VPS13B: variants seen among roughly 807,000 people sequenced by gnomAD.
VPS13B encodes vacuolar protein sorting 13 homolog B.
Under a neutral mutation model 426.4 loss-of-function variants are expected in VPS13B, and 285 were observed. That is an observed-to-expected ratio of 0.67 (90% CI 0.61 to 0.74). VPS13B has a LOEUF of 0.74. Ranked by LOEUF, VPS13B falls within the 30% of genes least tolerant of loss-of-function variation. The pLI, the probability that VPS13B is intolerant of heterozygous loss-of-function variation, is 0.00. For missense variants in VPS13B, 4,537 were observed against 4,782.6 expected (o/e 0.95, Z 1.51); for synonymous variants, 1,676 against 1,676.4 (o/e 1.00, Z 0.01).
At chr8:99,721,546 G>A (rs1407445147) in intron 39 of VPS13B, among the ~76,000 whole-genome samples, 1 of 151,772 alleles carries the variant, frequency 6.6e-6, no homozygotes, top group East Asian at 1.9e-4. Flanking sequence ...AAGGTTTTGT[G>A]AAAGTGTGTT....
chr8:99,341,552 C>T, intron 19 of VPS13B: 1 of 158,908 alleles, frequency 6.3e-6, no homozygotes, highest in Non-Finnish European at 1.4e-5. Context: ...TGCCAGACAG[C>T]CTGCAGCACT....
intron 29 of VPS13B, among the ~76,000 whole-genome samples, chr8:99,513,094 G>C (rs999961370): frequency 1.3e-5 from 2 of 149,980 alleles, no homozygotes; most frequent in South Asian, 2.1e-4. Context: ...TTTATATCTA[G>C]ATAAAAATAA....
chr8:99,625,690 C>CA (rs1828581732), intron 33 of VPS13B, among the ~76,000 whole-genome samples: 1 of 151,324 alleles, frequency 6.6e-6, no homozygotes, highest in African/African-American at 2.4e-5. Context: ...CCTGTCTCTA[C>CA]AAAAAATTAG....
rs137992497 is a variant in VPS13B at position 99,159,691 on chromosome 8, ACT to A, written c.2208+2951_2208+2952del. Among the ~76,000 whole-genome samples the A allele has an allele frequency of 4.8e-3, 732 of 152,028 alleles. 5 individuals are homozygous for A. The highest frequency in any genetic ancestry group is 7.4e-3 in the Non-Finnish European group (505 of 67,952). The stretch of plus-strand genomic sequence containing the variant: ...TTGTAAGGGGTGAGGGCAGAGTCTT[ACT>A]CTGTCACCCAGGCCGTAGTGCAGTG... On this transcript the variant is annotated intron_variant, in intron 15 of 61. Coordinates refer to ENST00000357162, the MANE Select transcript of VPS13B (RefSeq NM_152564.5).
intron 44 of VPS13B, among the ~76,000 whole-genome samples, chr8:99,812,747 A>T (rs1277482942): frequency 6.6e-6 from 1 of 152,254 alleles, no homozygotes; most frequent in Non-Finnish European, 1.5e-5. Context: ...GTATGTATGT[A>T]TAATGGTGTC....
chr8:99,585,394 C>T (rs980387209), intron 33 of VPS13B, among the ~76,000 whole-genome samples: 3 of 152,094 alleles, frequency 2.0e-5, no homozygotes, highest in African/African-American at 7.2e-5. Context: ...AAAATGAAAA[C>T]TGCAGACTAA....
intron 13 of VPS13B, among the ~76,000 whole-genome samples, chr8:99,146,647 A>G (rs1249982447): frequency 1.3e-5 from 2 of 152,142 alleles, no homozygotes; most frequent in Non-Finnish European, 2.9e-5. Flanking sequence ...ATCATGGTTC[A>G]CTGTAGCCTT....
At position 99,071,853 on chromosome 8, in the gene VPS13B, T is replaced by A. The variant is rs570834848; in HGVS notation, c.292-24459T>A. ...CAGGAGACTCTCATTGTGGCCATCA[T>A]CACCCCAGGTCTGCAGTGAATACTG... On this transcript the variant is annotated intron_variant, in intron 3 of 61. Coordinates refer to ENST00000357162, the MANE Select transcript of VPS13B (RefSeq NM_152564.5). Among the ~76,000 whole-genome samples, 10 of 152,222 alleles carry A rather than the reference T, an allele frequency of 6.6e-5. 1 individual carries two copies. The highest frequency in any genetic ancestry group is 2.4e-4 in the African/African-American group (10 of 41,554).
rs1354045318 is a variant in VPS13B at position 99,778,922 on chromosome 8, A to G, written c.7670A>G (p.Asp2557Gly). ...TTCGGGCAGATGGCAGTTTCCAGCG[A>G]TGTAGTGGAAAAGCTGCTTGACTGC... is the stretch of plus-strand genomic sequence containing the variant. ...SIFGQMAVSSDVVEKLLDCTV... is the reference protein window; with the variant it reads ...SIFGQMAVSSGVVEKLLDCTV... Residue 2557 changes from aspartate to glycine, a missense_variant, in exon 42 of 62, where the codon GAT becomes GGT. Physicochemically the swap from Asp to Gly is moderately conservative, Grantham distance 94. This residue lies in a region of VPS13B where 4,311 missense variants were observed against 4,474.3 expected (regional missense o/e 0.96). Coordinates refer to ENST00000357162, the MANE Select transcript of VPS13B (RefSeq NM_152564.5). 1.2e-6 allele frequency: 2 copies of G among 1,613,952 alleles called. No individual in the cohort carries two copies. Among genetic ancestry groups the G allele is most frequent in the East Asian group, 2.2e-5 (1 of 44,854 alleles).
Position 99,875,894 on chromosome 8 carries a change from A to C in VPS13B, c.*228A>C. 3.5e-6 allele frequency: 2 copies of C among 573,702 alleles called. No individual in the cohort carries two copies. Among genetic ancestry groups the C allele is most frequent in the Non-Finnish European group, 6.2e-6 (2 of 323,592 alleles). 35.5% of individuals were successfully genotyped at this position (573,702 alleles called of 1,614,324 possible). ...AAAAAGCCTAGGCAGCTCTAACATC[A>C]TCTGATATGGACACAAGGCCAACAG... On this transcript the variant is annotated 3_prime_UTR_variant, in exon 62 of 62. Transcript: ENST00000357162.
At chr8:99,507,942 A>C in intron 28 of VPS13B, 2 of 1,613,748 alleles carry the variant, frequency 1.2e-6, no homozygotes, top group East Asian at 2.2e-5. Context: ...ATGCTACACA[A>C]CTCCCATTAA....
chr8:99,316,385 C>T (rs1436093183), intron 19 of VPS13B, among the ~76,000 whole-genome samples: 1 of 152,104 alleles, frequency 6.6e-6, no homozygotes, highest in Non-Finnish European at 1.5e-5. Context: ...TCTGGTAGGA[C>T]CTGGATTCTC....
chr8:99,044,204 C>T (rs559306717), intron 3 of VPS13B, among the ~76,000 whole-genome samples: 118 of 151,368 alleles, frequency 7.8e-4, no homozygotes, highest in Admixed American at 3.0e-3. Flanking sequence ...CTGCCTCAGC[C>T]TCTGGGGTAG....
chr8:99,832,737 G>T lies in VPS13B; in HGVS notation c.9614+85G>T, dbSNP rs967122256. 4.3e-6 allele frequency: 6 copies of T among 1,385,780 alleles called. No homozygotes were observed. In the East Asian group the frequency reaches 9.2e-5, roughly 21 times the overall value. 85.8% of individuals were successfully genotyped at this position (1,385,780 alleles called of 1,614,324 possible). A position where few individuals can be genotyped will look rare whatever the true frequency, so the allele number is the denominator to read the frequency against. On this transcript the variant is annotated intron_variant, in intron 52 of 61. Coordinates refer to ENST00000357162, the MANE Select transcript of VPS13B (RefSeq NM_152564.5). Reference sequence around the variant, plus strand: ...AGATGCCAAGAGAGATACAATGGTCGCAGGGCTCCCCATATGTAATATTAG... The same window carrying T: ...AGATGCCAAGAGAGATACAATGGTCTCAGGGCTCCCCATATGTAATATTAG...
chr8:99,522,367 C>T (rs1211672038), intron 30 of VPS13B, among the ~76,000 whole-genome samples: 1 of 152,144 alleles, frequency 6.6e-6, no homozygotes, highest in Non-Finnish European at 1.5e-5. Flanking sequence ...GTAAAGTGAA[C>T]CACTGAGATA....
At chr8:99,266,393 C>T (rs1588189478) in intron 17 of VPS13B, among the ~76,000 whole-genome samples, 1 of 151,752 alleles carries the variant, frequency 6.6e-6, no homozygotes, top group Non-Finnish European at 1.5e-5. Flanking sequence ...GCCTGGGCAA[C>T]AGAGTGAGAC....
At chr8:99,530,180 T>C (rs866275710) in intron 30 of VPS13B, among the ~76,000 whole-genome samples, 1 of 152,336 alleles carries the variant, frequency 6.6e-6, no homozygotes, top group South Asian at 2.1e-4. Context: ...ATCGCATCTA[T>C]TTTTTAATAT....
intron 43 of VPS13B, among the ~76,000 whole-genome samples, chr8:99,801,513 A>G (rs911582729): frequency 6.6e-6 from 1 of 152,162 alleles, no homozygotes; most frequent in Admixed American, 6.5e-5. Flanking sequence ...CCTGGTTGTC[A>G]CATGACAGGT....
intron 2 of VPS13B, among the ~76,000 whole-genome samples, chr8:99,021,152 C>G (rs1587922746): frequency 6.6e-6 from 1 of 152,310 alleles, no homozygotes; most frequent in African/African-American, 2.4e-5. Context: ...TCTATGGCTG[C>G]TTTCGCCCTA....
Sources: gnomAD v4.1 joint callset for allele counts (sites outside exome capture counted in the v4.1 genomes callset) on GRCh38, gnomAD v4.1.1 for gene constraint, gnomAD v4.1.1 regional missense constraint, MANE v1.5 for transcripts, NCBI Gene and HGNC (gene_info 2026-07-23, HGNC 2026-07-21) for gene names.